ADAMTSL1: variants seen among roughly 807,000 people sequenced by gnomAD.
ADAMTSL1 encodes ADAMTS like 1.
A neutral mutation model predicts 201.8 loss-of-function variants in ADAMTSL1; 126 were observed. The observed-to-expected ratio is 0.62, with a 90% CI of 0.54 to 0.72. The LOEUF (loss-of-function observed/expected upper bound fraction) is 0.72. Ranked by LOEUF, ADAMTSL1 falls within the 30% of genes least tolerant of loss-of-function variation. The pLI, the probability that ADAMTSL1 is intolerant of heterozygous loss-of-function variation, is 0.00. For synonymous variants in ADAMTSL1, 1,121 were observed against 903.4 expected (o/e 1.24, Z -4.32); for missense variants, 2,679 against 2,277.8 (o/e 1.18, Z -3.59).
At chr9:18,422,241 C>T (rs1237902322) in intron 2 of ADAMTSL1, among the ~76,000 whole-genome samples, 3 of 152,138 alleles carry the variant, frequency 2.0e-5, no homozygotes, top group Non-Finnish European at 4.4e-5. Context: ...ATGTTTGCCA[C>T]TTTGTAAATT....
rs895104536 is a variant in ADAMTSL1, at chr9:18,763,987, G to T, written c.2218-6615G>T. Among the ~76,000 whole-genome samples the T allele has an allele frequency of 5.3e-5, 8 of 152,166 alleles. No individual in the cohort carries two copies. The East Asian group carries it at 9.6e-4, about 18-fold the overall frequency. ...TAGCTTTGGTTATTCTGGGTCTTTTGTGGTTCCATATGAATTTTAAGATTG... is the reference window on the plus strand; with the variant it reads ...TAGCTTTGGTTATTCTGGGTCTTTTTTGGTTCCATATGAATTTTAAGATTG... On this transcript the variant is annotated intron_variant, in intron 16 of 28. Transcript: ENST00000380548.
At chr9:18,413,667 A>C (rs928905432) in intron 2 of ADAMTSL1, among the ~76,000 whole-genome samples, 1 of 152,228 alleles carries the variant, frequency 6.6e-6, no homozygotes, top group African/African-American at 2.4e-5. Context: ...TAAGGAAGGA[A>C]AGATGGAAGA....
At chr9:18,483,307 G>A (rs527812861) in intron 1 of ADAMTSL1, among the ~76,000 whole-genome samples, 2 of 152,156 alleles carry the variant, frequency 1.3e-5, no homozygotes, top group South Asian at 2.1e-4. Flanking sequence ...TATTTATCAC[G>A]AGCATCTAGT....
Position 18,072,163 on chromosome 9 carries a change from A to G in ADAMTSL1, c.88-91699A>G, listed in dbSNP as rs112800532. 5.3e-3 allele frequency among the ~76,000 whole-genome samples: 814 copies of G among 152,320 alleles called. 6 individuals are homozygous for G. Among genetic ancestry groups the G allele is most frequent in the African/African-American group, 0.018 (759 of 41,560 alleles). ...TGTCGTTTTTCTTGTTTTTCAGGAA[A>G]TGATAGTTGCAAAAGCAAAAATGGG... On this transcript the variant is annotated intron_variant, in intron 1 of 29. Transcript: ENST00000680146.
chr9:18,821,618 T>A (rs1824216462), intron 21 of ADAMTSL1, among the ~76,000 whole-genome samples: 1 of 152,234 alleles, frequency 6.6e-6, no homozygotes, highest in Non-Finnish European at 1.5e-5. Context: ...ACAGTCAGTA[T>A]GGAGAAACGT....
At chr9:18,653,591 C>A (rs925252988) in intron 7 of ADAMTSL1, among the ~76,000 whole-genome samples, 1 of 140,148 alleles carries the variant, frequency 7.1e-6, no homozygotes, top group Non-Finnish European at 1.5e-5. Flanking sequence ...GCCTGGGCAA[C>A]TTAGTGAGAC....
At chr9:18,111,034 G>A (rs1824984534) in intron 1 of ADAMTSL1, among the ~76,000 whole-genome samples, 2 of 152,122 alleles carry the variant, frequency 1.3e-5, no homozygotes, top group African/African-American at 4.8e-5. Context: ...CTAAAATGAT[G>A]CTCTCTCCAT....
intron 13 of ADAMTSL1, among the ~76,000 whole-genome samples, chr9:18,693,895 A>T (rs1831389262): frequency 1.3e-5 from 2 of 152,148 alleles, no homozygotes; most frequent in African/African-American, 4.8e-5. Context: ...GTCTCTTCTC[A>T]CATTGCTGTA....
At chr9:18,857,898 A>G (rs1826962659) in intron 23 of ADAMTSL1, among the ~76,000 whole-genome samples, 1 of 152,200 alleles carries the variant, frequency 6.6e-6, no homozygotes, top group African/African-American at 2.4e-5. Flanking sequence ...TCATTCTTTA[A>G]GAACTTCATT....
chr9:18,515,856 T>C (rs1587429054), intron 2 of ADAMTSL1, among the ~76,000 whole-genome samples: 1 of 152,290 alleles, frequency 6.6e-6, no homozygotes, highest in South Asian at 2.1e-4. Flanking sequence ...TTCTAACTTA[T>C]TCTTTCATCC....
At chr9:18,112,915 G>C (rs1825091444) in intron 1 of ADAMTSL1, among the ~76,000 whole-genome samples, 1 of 152,114 alleles carries the variant, frequency 6.6e-6, no homozygotes, top group Admixed American at 6.6e-5. Context: ...TAGAAAGAAG[G>C]CTACCATCAT....
In ADAMTSL1 at chr9:18,310,165, A is replaced by C. The variant is rs189406406; in HGVS notation, c.207+146184A>C. ...AAAACTGGAACTGGACCCCTTCCTT[A>C]CACCTTACACAAAAATTAACTCAAG... On this transcript the variant is annotated intron_variant, in intron 2 of 29. Transcript: ENST00000680146. Among the ~76,000 whole-genome samples the C allele has an allele frequency of 2.0e-5, 3 of 152,132 alleles. No homozygotes were observed. The East Asian group carries it at 5.8e-4, about 29-fold the overall frequency.
intron 2 of ADAMTSL1, among the ~76,000 whole-genome samples, chr9:18,336,309 A>AT (rs763640009): frequency 0.018 from 2,519 of 139,900 alleles, 29 homozygotes; most frequent in African/African-American, 0.035. Flanking sequence ...ATGTAATTTC[A>AT]TTTTTTTTTT....
chr9:18,024,132 T>G (rs543664208), intron 1 of ADAMTSL1, among the ~76,000 whole-genome samples: 30 of 152,270 alleles, frequency 2.0e-4, no homozygotes, highest in African/African-American at 7.2e-4. Flanking sequence ...ATTTTTTTAT[T>G]GGTAAAAATG....
intron 26 of ADAMTSL1, among the ~76,000 whole-genome samples, chr9:18,904,152 T>G (rs961911452): frequency 6.6e-6 from 1 of 152,096 alleles, no homozygotes; most frequent in Non-Finnish European, 1.5e-5. Flanking sequence ...GTTTTCTGTA[T>G]GCACACTGTA....
intron 1 of ADAMTSL1, among the ~76,000 whole-genome samples, chr9:17,980,621 T>C (rs1376310161): frequency 6.6e-6 from 1 of 151,958 alleles, no homozygotes; most frequent in Non-Finnish European, 1.5e-5. Context: ...GTGGGGTTTT[T>C]GGGGGGCAAT....
intron 1 of ADAMTSL1, among the ~76,000 whole-genome samples, chr9:18,014,813 G>A (rs971394789): frequency 2.0e-5 from 3 of 151,972 alleles, no homozygotes; most frequent in African/African-American, 7.2e-5. Context: ...CATCAGAACT[G>A]TCTTCTCTGA....
intron 2 of ADAMTSL1, among the ~76,000 whole-genome samples, chr9:18,301,287 A>G (rs1193135144): frequency 1.3e-5 from 2 of 152,216 alleles, no homozygotes; most frequent in African/African-American, 4.8e-5. Context: ...TAGAATAATA[A>G]AGGAAGTGAA....
intron 1 of ADAMTSL1, among the ~76,000 whole-genome samples, chr9:18,480,481 T>A (rs1387456445): frequency 2.6e-5 from 4 of 152,206 alleles, no homozygotes; most frequent in Non-Finnish European, 5.9e-5. Context: ...AATGACTACA[T>A]GGAGCACAGC....
Sources: allele counts gnomAD v4.1 joint callset (sites outside exome capture counted in the v4.1 genomes callset), GRCh38; gene constraint gnomAD v4.1.1; transcripts MANE v1.5; gene names NCBI Gene and HGNC (gene_info 2026-07-23, HGNC 2026-07-21).